The following ZNF251 variants were observed in gnomAD, a reference collection of about 807,000 sequenced individuals.
ZNF251 encodes zinc finger protein 251.
A neutral mutation model predicts 13.5 loss-of-function variants in ZNF251; 14 were observed. The ratio of observed to expected loss-of-function variants is 1.04; its 90% confidence interval spans 0.69 to 1.63. The LOEUF (loss-of-function observed/expected upper bound fraction) is 1.63. Among genes scored for constraint, ZNF251 ranks in the 40% most tolerant of loss-of-function variants. The pLI is 0.00. For synonymous variants in ZNF251, 287 were observed against 295.2 expected (o/e 0.97, Z 0.28); for missense variants, 764 against 834.9 (o/e 0.92, Z 1.05).
At chr8:144,728,892 C>T (rs1823602022) in intron 4 of ZNF251, among the ~76,000 whole-genome samples, 1 of 151,672 alleles carries the variant, frequency 6.6e-6, no homozygotes, top group South Asian at 2.1e-4. Flanking sequence ...AGTTTGAGAC[C>T]ATCCTGGCCA....
chr8:144,723,402 A>G lies in ZNF251; in HGVS notation c.278-20T>C, dbSNP rs541856627. ...CAGAATCTGTTAAAGAAAAATATAA[A>G]TGAGTTACTAGAGAAAACCTTCCAT... On this transcript the variant is annotated intron_variant, in intron 4 of 4. Coordinates refer to ENST00000292562, the MANE Select transcript of ZNF251 (RefSeq NM_138367.2). 7.0e-7 allele frequency: 1 copy of G among 1,426,286 alleles called. No homozygotes were observed. Among genetic ancestry groups the G allele is most frequent in the Admixed American group, 3.0e-5 (1 of 33,890 alleles). 88.4% of individuals were successfully genotyped at this position (1,426,286 alleles called of 1,614,324 possible). A position where few individuals can be genotyped will look rare whatever the true frequency, so the allele number is the denominator to read the frequency against.
At chr8:144,728,160 G>C (rs1426440343) in intron 4 of ZNF251, among the ~76,000 whole-genome samples, 1 of 152,056 alleles carries the variant, frequency 6.6e-6, no homozygotes, top group Non-Finnish European at 1.5e-5. Flanking sequence ...TTATTAATTG[G>C]CCTAGTTTCG....
intron 4 of ZNF251, among the ~76,000 whole-genome samples, chr8:144,743,254 G>A (rs1339504319): frequency 6.6e-5 from 10 of 152,116 alleles, no homozygotes; most frequent in Admixed American, 1.3e-4. Flanking sequence ...AGTAGAGACA[G>A]AGTTTCATCA....
chr8:144,745,086 G>A (rs1824356461), intron 4 of ZNF251, among the ~76,000 whole-genome samples: 1 of 152,074 alleles, frequency 6.6e-6, no homozygotes, highest in South Asian at 2.1e-4. Flanking sequence ...AGGGGAAGGG[G>A]AGCGGAGGAA....
intron 1 of ZNF251, chr8:144,755,064 A>C (rs1824894785): frequency 3.0e-6 from 4 of 1,319,876 alleles, no homozygotes; most frequent in Admixed American, 7.1e-5. Context: ...AAGGCCCTGG[A>C]AATGGGGTGC....
rs781572663 is a variant in ZNF251 at position 144,721,922 on chromosome 8, G to A, written c.1738C>T (p.Arg580Ter). 8.6e-6 allele frequency: 13 copies of A among 1,513,110 alleles called. No homozygotes were observed. The highest frequency in any genetic ancestry group is 2.7e-5 in the South Asian group (2 of 73,906). 93.7% of individuals were successfully genotyped at this position (1,513,110 alleles called of 1,614,324 possible). The change falls in exon 5 of 5, where the codon CGA becomes TGA. Residue 580 changes from arginine to a stop codon, truncating the protein, a stop_gained. Coordinates refer to ENST00000292562, the MANE Select transcript of ZNF251 (RefSeq NM_138367.2). LOFTEE classifies it low-confidence loss of function (END_TRUNC). Reference protein sequence around the residue: ...EYGKAFSPTSRPTEDQIMHAG... With the variant: ...EYGKAFSPTS ...TGCATTATCTGATCTTCAGTGGGTC[G>A]TGAGGTGGGACTGAAAGCTTTTCCA...
intron 4 of ZNF251, among the ~76,000 whole-genome samples, chr8:144,736,455 T>A (rs1406873576): frequency 2.8e-5 from 4 of 142,290 alleles, no homozygotes; most frequent in Admixed American, 1.4e-4. Context: ...CCTTCCTTTA[T>A]TTTATTTATT....
chr8:144,732,664 T>A (rs548047218), intron 4 of ZNF251, among the ~76,000 whole-genome samples: 9 of 151,868 alleles, frequency 5.9e-5, no homozygotes, highest in Admixed American at 2.0e-4. Context: ...TACAAAAAAT[T>A]AGCTGGGTGT....
At chr8:144,748,976 G>A (rs1426210537) in intron 4 of ZNF251, among the ~76,000 whole-genome samples, 1 of 152,082 alleles carries the variant, frequency 6.6e-6, no homozygotes, top group Admixed American at 6.5e-5. Context: ...AGACCAACCT[G>A]GGCAAAATAG....
chr8:144,726,580 C>A (rs1823523251), intron 4 of ZNF251, among the ~76,000 whole-genome samples: 1 of 150,642 alleles, frequency 6.6e-6, no homozygotes, highest in Non-Finnish European at 1.5e-5. Flanking sequence ...GAAAACTTAG[C>A]CAGGCATAGG....
chr8:144,720,938 A>T lies in ZNF251; in HGVS notation c.*706T>A, dbSNP rs1196658584. 6.6e-6 allele frequency: 1 copy of T among 152,220 alleles called. No homozygotes were observed. Among genetic ancestry groups the T allele is most frequent in the African/African-American group, 2.4e-5 (1 of 41,454 alleles). 9.4% of individuals were successfully genotyped at this position (152,220 alleles called of 1,614,324 possible). On this transcript the variant is annotated 3_prime_UTR_variant, in exon 5 of 5. Coordinates refer to ENST00000292562, the MANE Select transcript of ZNF251 (RefSeq NM_138367.2). ...CTAAAAAGAGTAAATTTTATTGTTT[A>T]TAAATTATGCTTCAATAAACCTGCC... is the stretch of plus-strand genomic sequence containing the variant.
At chr8:144,744,470 T>C (rs1023404217) in intron 4 of ZNF251, among the ~76,000 whole-genome samples, 2 of 152,188 alleles carry the variant, frequency 1.3e-5, no homozygotes, top group African/African-American at 4.8e-5. Flanking sequence ...ATGATCCATT[T>C]TGCCATGGAA....
rs569122935 is a variant in ZNF251, at chr8:144,747,145, TTTGGTAAG to T, written c.277+6530_277+6537del. ...ACTGCATTCACAGCATTCCACAAAT[TTTGGTAAG>T]TTTTATTTTCATTTTCACTTAATTC... On this transcript the variant is annotated intron_variant, in intron 4 of 4. Coordinates refer to ENST00000292562, the MANE Select transcript of ZNF251 (RefSeq NM_138367.2). 1.9e-3 allele frequency among the ~76,000 whole-genome samples: 296 copies of T among 152,328 alleles called. 1 individual carries two copies. The highest frequency in any genetic ancestry group is 0.014 in the Middle Eastern group (4 of 294).
rs1048601618 is a variant in ZNF251, at chr8:144,723,115, T to C, written c.545A>G (p.Glu182Gly). 4 of 1,613,858 alleles carry C rather than the reference T, an allele frequency of 2.5e-6. No homozygotes were observed. The highest frequency in any genetic ancestry group is 3.4e-6 in the Non-Finnish European group (4 of 1,179,812). ...RERSLGERTQ[E>G]CSAFDRNLNL... is the part of the protein sequence containing the mutation. ...CAAGTTTCTATCAAATGCACTACAC[T>C]CTTGGGTTCTTTCTCCCAAAGATCT... Residue 182 changes from glutamate (E) to glycine (G), a missense_variant, in exon 5 of 5, where the codon GAG becomes GGG. Physicochemically the swap from Glu to Gly is moderately conservative, Grantham distance 98 (BLOSUM62 -2). Transcript: ENST00000292562.
chr8:144,743,250 G>A (rs1432155529), intron 4 of ZNF251, among the ~76,000 whole-genome samples: 1 of 152,098 alleles, frequency 6.6e-6, no homozygotes, highest in Non-Finnish European at 1.5e-5. Flanking sequence ...TTTTAGTAGA[G>A]ACAGAGTTTC....
intron 4 of ZNF251, among the ~76,000 whole-genome samples, chr8:144,737,629 G>A (rs991505611): frequency 3.3e-5 from 5 of 152,014 alleles, no homozygotes; most frequent in East Asian, 2.0e-4. Flanking sequence ...TCAGGAGATC[G>A]AGACCATCCT....
chr8:144,724,014 T>C (rs531083678), intron 4 of ZNF251, among the ~76,000 whole-genome samples: 6 of 151,914 alleles, frequency 3.9e-5, no homozygotes, highest in Admixed American at 1.3e-4. Context: ...GAGGCCGAGG[T>C]GGGCGGATCA....
At chr8:144,742,348 G>A (rs1824201385) in intron 4 of ZNF251, among the ~76,000 whole-genome samples, 1 of 152,130 alleles carries the variant, frequency 6.6e-6, no homozygotes, top group Non-Finnish European at 1.5e-5. Flanking sequence ...CAGATCATCA[G>A]AAAGGGATGA....
chr8:144,748,691 G>A (rs1231363035), intron 4 of ZNF251, among the ~76,000 whole-genome samples: 1 of 152,072 alleles, frequency 6.6e-6, no homozygotes, highest in East Asian at 1.9e-4. Context: ...CTCTTGAGTA[G>A]CTGAGACTTA....
Sources: allele counts gnomAD v4.1 joint callset (sites outside exome capture counted in the v4.1 genomes callset), GRCh38; gene constraint gnomAD v4.1.1; transcripts MANE v1.5; gene names NCBI Gene and HGNC (gene_info 2026-07-23, HGNC 2026-07-21).